Variants in SI observed in about 807,000 individuals in gnomAD.
The protein encoded by SI is sucrase-isomaltase, also known as sucrase-isomaltase, intestinal.
SI carries 235 observed loss-of-function variants against 253.3 expected under a neutral mutation model. The observed-to-expected ratio is 0.93, with a 90% CI of 0.83 to 1.03. The LOEUF is 1.03. SI is among the 50% of genes least tolerant of loss of function. The pLI, the probability that SI is intolerant of heterozygous loss-of-function variation, is 0.00. For missense variants in SI, 2,442 were observed against 2,211.1 expected (o/e 1.10, Z -2.09); for synonymous variants, 819 against 712.0 (o/e 1.15, Z -2.39).
chr3:165,032,654 C>T lies in SI; in HGVS notation c.2604G>A (p.Gln868=). 1.2e-6 allele frequency: 2 copies of T among 1,607,130 alleles called. No individual in the cohort carries two copies. Among genetic ancestry groups the T allele is most frequent in the Non-Finnish European group, 1.7e-6 (2 of 1,175,122 alleles). ...LDIVCTHSSY[Q]EGTTLAFQTV... is the part of the protein sequence containing the mutation. ...TCTGAAATGCTAAGGTAGTTCCTTC[C>T]TGATATGATGAATGTGTGCACACAA... The change falls in exon 24 of 48, where the codon CAG becomes CAA. Residue 868 remains glutamine, a synonymous_variant. Coordinates refer to ENST00000264382, the MANE Select transcript of SI (RefSeq NM_001041.4).
At chr3:164,979,531 C>CCTG in intron 47 of SI, 101 bp from the exon 48 acceptor site, 3 of 638,154 alleles carry the variant, frequency 4.7e-6, no homozygotes, top group South Asian at 3.7e-5. Context: ...TAGTATATAC[C>CCTG]TTTATTTTCT....
chr3:165,030,037 A>T (rs952073763), intron 25 of SI, among the ~76,000 whole-genome samples: 3 of 150,802 alleles, frequency 2.0e-5, no homozygotes, highest in Non-Finnish European at 4.5e-5. Context: ...TCTCTGGGAA[A>T]TTGCTGACAA....
intron 45 of SI, among the ~76,000 whole-genome samples, chr3:164,983,577 A>G (rs1371573120): frequency 6.6e-6 from 1 of 152,048 alleles, no homozygotes; most frequent in Non-Finnish European, 1.5e-5. Flanking sequence ...TCTTTAAGGT[A>G]TAATCATTAT....
At chr3:165,041,543 G>A (rs1712836682) in intron 17 of SI, among the ~76,000 whole-genome samples, 1 of 151,966 alleles carries the variant, frequency 6.6e-6, no homozygotes, top group Non-Finnish European at 1.5e-5. Context: ...TAAAGCAGAG[G>A]CTTGAAATGG....
At chr3:165,036,341 T>C (rs1712526628) in intron 22 of SI, 48 bp downstream of exon 22, 2 of 1,314,730 alleles carry the variant, frequency 1.5e-6, no homozygotes, top group South Asian at 2.4e-5. Flanking sequence ...AAGCCAAAAC[T>C]TCCCATTATC....
chr3:165,023,464 A>C (rs1191901973), intron 26 of SI, 106 bp downstream of exon 26: 3 of 813,574 alleles, frequency 3.7e-6, no homozygotes, highest in Non-Finnish European at 6.0e-6. Context: ...ATATTATCAA[A>C]TCTGTTAATA....
chr3:165,061,496 G>A (rs1713984252), intron 9 of SI, among the ~76,000 whole-genome samples: 1 of 151,954 alleles, frequency 6.6e-6, no homozygotes, highest in South Asian at 2.1e-4. Context: ...AAAAACCTTA[G>A]CTGCTCTCAT....
intron 36 of SI, 117 bp downstream of exon 36, chr3:165,007,794 T>C (rs1718584815): frequency 2.3e-5 from 7 of 309,516 alleles, no homozygotes; most frequent in Non-Finnish European, 4.1e-5. Context: ...TATATACATA[T>C]ATATTCTATA....
At chr3:165,015,463 A>C (rs1576886308) in intron 32 of SI, among the ~76,000 whole-genome samples, 1 of 152,238 alleles carries the variant, frequency 6.6e-6, no homozygotes, top group East Asian at 1.9e-4. Flanking sequence ...AAGAAAGATT[A>C]GTAGAGGTTT....
chr3:164,988,805 G>A (rs886225280), intron 44 of SI, among the ~76,000 whole-genome samples: 1 of 152,178 alleles, frequency 6.6e-6, no homozygotes, highest in Non-Finnish European at 1.5e-5. Context: ...GTCAGTCTGA[G>A]AAGACAGAGC....
rs1334238659 is a variant in SI, at chr3:165,037,884, T to C, written c.2426+16A>G. The stretch of plus-strand genomic sequence containing the variant: ...GAATTTTATTTTAGATTTCAACTAA[T>C]GATTTTTCATTTTACCTTGCTGTTG... On this transcript the variant is annotated intron_variant, in intron 21 of 47. Transcript: ENST00000264382. The C allele has an allele frequency of 5.2e-6, 8 of 1,536,322 alleles. No homozygotes were observed. Among genetic ancestry groups the C allele is most frequent in the Non-Finnish European group, 7.2e-6 (8 of 1,113,534 alleles).
At chr3:165,071,324 C>T (rs1714562070) in intron 3 of SI, among the ~76,000 whole-genome samples, 1 of 151,716 alleles carries the variant, frequency 6.6e-6, no homozygotes, top group African/African-American at 2.4e-5. Flanking sequence ...AGTTGGTCTT[C>T]CTATTTTTCA....
intron 25 of SI, among the ~76,000 whole-genome samples, chr3:165,029,371 G>A (rs1576895756): frequency 6.6e-6 from 1 of 150,846 alleles, no homozygotes; most frequent in African/African-American, 2.4e-5. Context: ...CAACAGTGTG[G>A]AGATTCCTTA....
rs992793667 is a variant in SI at position 165,045,076 on chromosome 3, T to C, written c.1887+1765A>G. On this transcript the variant is annotated intron_variant, in intron 16 of 47. Transcript: ENST00000264382. ...TTATTTTGCTGTGTTAATCTATTTGTATATCCACAGTCCAGTATCATTGTG... is the reference window on the plus strand; with the variant it reads ...TTATTTTGCTGTGTTAATCTATTTGCATATCCACAGTCCAGTATCATTGTG... 2.6e-5 allele frequency among the ~76,000 whole-genome samples: 4 copies of C among 152,092 alleles called. No homozygotes were observed. In the South Asian group the frequency reaches 8.3e-4, roughly 31 times the overall value.
the SI span, among the ~76,000 whole-genome samples, chr3:165,084,386 A>G: frequency 6.6e-6 from 1 of 152,204 alleles, no homozygotes; most frequent in Admixed American, 6.6e-5. Flanking sequence ...GATTTCAAAC[A>G]TAAGTTCTTG....
intron 15 of SI, 23 bp from the exon 16 acceptor site, chr3:165,047,035 A>C: frequency 6.7e-7 from 1 of 1,492,744 alleles, no homozygotes; most frequent in African/African-American, 1.4e-5. Flanking sequence ...CCAAATTAAC[A>C]AATACAATTT....
chr3:165,055,262 A>T lies in SI; in HGVS notation c.1444T>A (p.Cys482Ser), dbSNP rs781076641. ...CATTCATTTGCCCACCAATCAATGC[A>T]GTTTGGGTTAGTGAAATCAGGGTAT... ...TVYPDFTNPN[C>S]IDWWANECSI... Residue 482 changes from cysteine (C) to serine (S), a missense_variant, in exon 13 of 48, where the codon TGC becomes AGC. Coordinates refer to ENST00000264382, the MANE Select transcript of SI (RefSeq NM_001041.4). The T allele has an allele frequency of 2.0e-5, 32 of 1,611,574 alleles. No homozygotes were observed. Among genetic ancestry groups the T allele is most frequent in the Non-Finnish European group, 2.7e-5 (32 of 1,178,254 alleles).
At chr3:164,990,782 G>T (rs981436436) in intron 44 of SI, among the ~76,000 whole-genome samples, 26 of 151,844 alleles carry the variant, frequency 1.7e-4, no homozygotes, top group African/African-American at 6.1e-4. Context: ...AGCATTAGGA[G>T]ATATACCTAA....
At chr3:165,033,059 C>A (rs1282002682) in intron 23 of SI, among the ~76,000 whole-genome samples, 2 of 151,270 alleles carry the variant, frequency 1.3e-5, no homozygotes, top group Non-Finnish European at 3.0e-5. Context: ...AAATCCACAC[C>A]AATTATTACT....
Sources: gnomAD v4.1 joint callset for allele counts (sites outside exome capture counted in the v4.1 genomes callset) on GRCh38, gnomAD v4.1.1 for gene constraint, MANE v1.5 for transcripts, NCBI Gene and HGNC (gene_info 2026-07-23, HGNC 2026-07-21) for gene names.